Variants in AP3S1 observed in about 807,000 individuals in gnomAD.
AP3S1 encodes the protein AP-3 complex subunit sigma-1.
Under a neutral mutation model 21.3 loss-of-function variants are expected in AP3S1, and 12 were observed. That is an observed-to-expected ratio of 0.56 (90% confidence interval 0.36 to 0.91). The LOEUF (loss-of-function observed/expected upper bound fraction) is 0.91. AP3S1 is among the 40% of genes least tolerant of loss of function. AP3S1 has a pLI of 0.01. For synonymous variants in AP3S1, 48 were observed against 78.4 expected (o/e 0.61, Z 2.05); for missense variants, 116 against 225.0 (o/e 0.52, Z 3.10).
rs137998554 is a variant in AP3S1 at position 115,847,638 on chromosome 5, T to C, written c.69+5532T>C. ...GTCTCAACAAATTTAAAAAAATATA[T>C]GTTTTTATTGAGGTATAGATGACAA... On this transcript the variant is annotated intron_variant, in intron 1 of 5. Coordinates refer to ENST00000316788, the MANE Select transcript of AP3S1 (RefSeq NM_001284.4). Among the ~76,000 whole-genome samples the C allele has an allele frequency of 7.2e-5, 11 of 152,314 alleles. No individual in the cohort carries two copies. The East Asian group carries it at 2.1e-3, about 29-fold the overall frequency.
At chr5:115,879,347 CTCT>C (rs1749061295) in intron 3 of AP3S1, among the ~76,000 whole-genome samples, 1 of 152,114 alleles carries the variant, frequency 6.6e-6, no homozygotes, top group Non-Finnish European at 1.5e-5. Flanking sequence ...TCATAAATAG[CTCT>C]TATTATTTTG....
chr5:115,846,055 T>C (rs1180383373), intron 1 of AP3S1, among the ~76,000 whole-genome samples: 4 of 152,148 alleles, frequency 2.6e-5, no homozygotes. Context: ...TGTGCATTAC[T>C]GTAAATAACT....
intron 3 of AP3S1, among the ~76,000 whole-genome samples, chr5:115,894,541 C>T (rs372584128): frequency 5.9e-5 from 9 of 152,298 alleles, no homozygotes; most frequent in East Asian, 3.9e-4. Flanking sequence ...GTTTGAGCAA[C>T]GCAAGCCTGC....
chr5:115,866,882 G>C (rs756675808), intron 2 of AP3S1, 121 bp downstream of exon 2: 20 of 456,820 alleles, frequency 4.4e-5, no homozygotes, highest in African/African-American at 6.1e-5. Context: ...TGAATTAATT[G>C]CCACCTATGT....
chr5:115,905,062 G>T (rs556067919), intron 5 of AP3S1, among the ~76,000 whole-genome samples: 45 of 152,256 alleles, frequency 3.0e-4, no homozygotes, highest in Admixed American at 1.5e-3. Flanking sequence ...TGCTAAGCTT[G>T]TGGGAGTTAT....
chr5:115,845,176 T>C (rs900225337), intron 1 of AP3S1, among the ~76,000 whole-genome samples: 2 of 152,220 alleles, frequency 1.3e-5, no homozygotes, highest in Non-Finnish European at 2.9e-5. Context: ...AATAAAAATA[T>C]TGAGTTTAAT....
chr5:115,868,849 T>C (rs867144824), intron 2 of AP3S1, among the ~76,000 whole-genome samples: 24 of 149,310 alleles, frequency 1.6e-4, no homozygotes, highest in African/African-American at 6.0e-4. Context: ...ACCATTGCAC[T>C]CCAGCCTGGG....
chr5:115,866,571 T>C, intron 1 of AP3S1, 99 bp from the exon 2 acceptor site: 1 of 716,040 alleles, frequency 1.4e-6, no homozygotes, highest in Non-Finnish European at 2.1e-6. Flanking sequence ...CTTAGATGGA[T>C]TTCCCAGACA....
At chr5:115,864,759 C>G (rs746575478) in intron 1 of AP3S1, among the ~76,000 whole-genome samples, 1 of 152,094 alleles carries the variant, frequency 6.6e-6, no homozygotes, top group Admixed American at 6.5e-5. Context: ...AATCTAAGAG[C>G]GCATAGCACA....
chr5:115,903,900 T>A (rs2112574377), intron 5 of AP3S1: 1 of 152,118 alleles, frequency 6.6e-6, no homozygotes, highest in South Asian at 2.1e-4. Flanking sequence ...AAACCCCATC[T>A]CTACTAAAAA....
chr5:115,854,680 T>C (rs1034188194), intron 1 of AP3S1, among the ~76,000 whole-genome samples: 1 of 127,590 alleles, frequency 7.8e-6, no homozygotes, highest in Non-Finnish European at 1.6e-5. Flanking sequence ...CAGATATCTC[T>C]TTTTTTTTTT....
intron 1 of AP3S1, among the ~76,000 whole-genome samples, chr5:115,852,686 T>G (rs928841512): frequency 6.6e-6 from 1 of 152,206 alleles, no homozygotes; most frequent in Non-Finnish European, 1.5e-5. Context: ...TTTTCTATTC[T>G]GAACATTCTA....
At chr5:115,874,463 A>G (rs1748532186) in intron 3 of AP3S1, among the ~76,000 whole-genome samples, 2 of 152,140 alleles carry the variant, frequency 1.3e-5, no homozygotes, top group South Asian at 4.1e-4. Context: ...TCACTGGATA[A>G]TTCCAAATCT....
chr5:115,899,674 T>C (rs2112561660), intron 4 of AP3S1, among the ~76,000 whole-genome samples: 1 of 152,272 alleles, frequency 6.6e-6, no homozygotes, highest in Admixed American at 6.5e-5. Flanking sequence ...ACTGAAAACT[T>C]TTAAAGAAGG....
Position 115,858,395 on chromosome 5 carries a change from A to T in AP3S1, c.70-8275A>T, listed in dbSNP as rs1370127612. ...TATTTAAAAGTCTGAAGCAGTTCTGATTACTTACCTTTGATGTGTGATCAT... is the reference window on the plus strand; with the variant it reads ...TATTTAAAAGTCTGAAGCAGTTCTGTTTACTTACCTTTGATGTGTGATCAT... On this transcript the variant is annotated intron_variant, in intron 1 of 5. Coordinates refer to ENST00000316788, the MANE Select transcript of AP3S1 (RefSeq NM_001284.4). Among the ~76,000 whole-genome samples, 6 of 152,104 alleles carry T rather than the reference A, an allele frequency of 3.9e-5. No homozygotes were observed. In the South Asian group the frequency reaches 1.2e-3, roughly 32 times the overall value.
chr5:115,868,624 G>A (rs772329097), intron 2 of AP3S1, among the ~76,000 whole-genome samples: 1 of 152,058 alleles, frequency 6.6e-6, no homozygotes, highest in Non-Finnish European at 1.5e-5. Flanking sequence ...GCTCACGCCT[G>A]TAATCCTAGC....
chr5:115,861,939 G>C (rs1448224808), intron 1 of AP3S1, among the ~76,000 whole-genome samples: 1 of 142,704 alleles, frequency 7.0e-6, no homozygotes, highest in African/African-American at 2.6e-5. Context: ...GGGCTCAAGT[G>C]ATGATCCCCT....
rs142292078 is a variant in AP3S1, at chr5:115,880,799, G to A, written c.273+10671G>A. ...GGATCTGTCTAATATTGACAATGGG[G>A]TGTTAAACTCTCCCACTATTATGTG... On this transcript the variant is annotated intron_variant, in intron 3 of 5. Coordinates refer to ENST00000316788, the MANE Select transcript of AP3S1 (RefSeq NM_001284.4). Among the ~76,000 whole-genome samples the A allele has an allele frequency of 2.0e-4, 31 of 152,154 alleles. No homozygotes were observed. In the East Asian group the frequency reaches 5.2e-3, roughly 26 times the overall value.
intron 3 of AP3S1, among the ~76,000 whole-genome samples, chr5:115,883,554 A>G (rs540671504): frequency 4.6e-5 from 7 of 152,198 alleles, no homozygotes; most frequent in East Asian, 1.9e-4. Flanking sequence ...ACCAGTCCCA[A>G]TGAGATGAGC....
Sources: gnomAD v4.1 joint callset for allele counts (sites outside exome capture counted in the v4.1 genomes callset) on GRCh38, gnomAD v4.1.1 for gene constraint, MANE v1.5 for transcripts, NCBI Gene and HGNC (gene_info 2026-07-23, HGNC 2026-07-21) for gene names.